The following KDR variants were observed in gnomAD, a reference collection of about 807,000 sequenced individuals.
KDR encodes the protein kinase insert domain receptor.
In KDR, 43 loss-of-function variants were observed where a neutral mutation model predicts 160.9. That is an observed-to-expected ratio of 0.27 (90% CI 0.21 to 0.34). The LOEUF (loss-of-function observed/expected upper bound fraction) is 0.34. Ranked by LOEUF, KDR falls within the 10% of genes least tolerant of loss-of-function variation. The probability of loss-of-function intolerance (pLI) is 1.00; values close to 1 mark genes in which losing one functional copy is unlikely to be tolerated. For missense variants in KDR, 1,469 were observed against 1,666.4 expected (o/e 0.88, Z 2.06); for synonymous variants, 617 against 600.1 (o/e 1.03, Z -0.41).
intron 3 of KDR, among the ~76,000 whole-genome samples, chr4:55,116,000 G>A (rs1720727417): frequency 6.6e-6 from 1 of 152,150 alleles, no homozygotes; most frequent in Non-Finnish European, 1.5e-5. Flanking sequence ...CTGAAGACTA[G>A]GGATATGATT....
intron 21 of KDR, among the ~76,000 whole-genome samples, chr4:55,094,202 C>T (rs1012923252): frequency 2.6e-5 from 4 of 152,044 alleles, no homozygotes; most frequent in Admixed American, 2.6e-4. Context: ...GCATGAGACT[C>T]CACCTCAAAA....
chr4:55,082,682 G>T, intron 27 of KDR, 47 bp from the exon 28 acceptor site: 2 of 1,401,530 alleles, frequency 1.4e-6, no homozygotes, highest in Non-Finnish European at 1.0e-6. Context: ...ATATTTGACT[G>T]CAGATCGGCT....
rs1327338877 is a variant in KDR at position 55,078,966 on chromosome 4, TCCTTCCTGAAACTTTGACACCACACACA to T, written c.*947_*974del. 2 of 233,148 alleles carry T rather than the reference TCCTTCCTGAAACTTTGACACCACACACA, an allele frequency of 8.6e-6. No homozygotes were observed. Among genetic ancestry groups the T allele is most frequent in the Admixed American group, 5.6e-5 (1 of 17,788 alleles). The allele number at this position is 233,148 out of a possible 1,614,324, so 14.4% of individuals were successfully genotyped here. ...CAGGGGGAAGAACAAAAGGGTAAAA[TCCTTCCTGAAACTTTGACACCACACACA>T]GCTTCACATTGAACCTCCCGCATTC... On this transcript the variant is annotated 3_prime_UTR_variant, in exon 30 of 30. Coordinates refer to ENST00000263923, the MANE Select transcript of KDR (RefSeq NM_002253.4).
chr4:55,095,485 T>C, intron 20 of KDR, 92 bp downstream of exon 20: 2 of 889,062 alleles, frequency 2.2e-6, no homozygotes, highest in Non-Finnish European at 3.8e-6. Context: ...CACAAGTTCT[T>C]CACAAAATTT....
chr4:55,105,851 C>T lies in KDR; in HGVS notation c.1626G>A (p.Val542=), dbSNP rs755482153. The T allele has an allele frequency of 6.2e-7, 1 of 1,605,130 alleles. No individual in the cohort carries two copies. Among genetic ancestry groups the T allele is most frequent in the East Asian group, 2.2e-5 (1 of 44,844 alleles). ...ACTTACTGGTCACGTGGAAGGAGAT[C>T]ACCCTCTCTCCTCTCCCGACTTTGT... ...AVNKVGRGER[V]ISFHVTRGPE... The change falls in exon 12 of 30, where the codon GTG becomes GTA. Residue 542 remains valine (V), a synonymous_variant. Transcript: ENST00000263923.
intron 7 of KDR, 79 bp from the exon 8 acceptor site, chr4:55,110,847 G>A (rs775039844): frequency 1.5e-4 from 180 of 1,189,510 alleles, no homozygotes; most frequent in African/African-American, 7.5e-4. Flanking sequence ...CAAGTGAAAC[G>A]TCAAAGACCT....
Position 55,110,642 on chromosome 4 carries a change from T to G in KDR, c.1091+12A>C. 1.2e-6 allele frequency: 2 copies of G among 1,613,120 alleles called. No homozygotes were observed. Among genetic ancestry groups the G allele is most frequent in the Non-Finnish European group, 1.7e-6 (2 of 1,179,108 alleles). On this transcript the variant is annotated intron_variant, in intron 8 of 29. Transcript: ENST00000263923. ...CACGAAATGATGCTTTGCATTTATTTCCAGTAGTTACCATTTTATTTCTGG... is the reference window on the plus strand; with the variant it reads ...CACGAAATGATGCTTTGCATTTATTGCCAGTAGTTACCATTTTATTTCTGG...
chr4:55,106,670 T>C lies in KDR; in HGVS notation c.1536+17A>G. On this transcript the variant is annotated intron_variant, in intron 11 of 29. Coordinates refer to ENST00000263923, the MANE Select transcript of KDR (RefSeq NM_002253.4). ...TAAAGAGAGAGAGATTTTCAAATTTTAAAACTTCAAACTCACTTTGTTTTT... is the reference window on the plus strand; with the variant it reads ...TAAAGAGAGAGAGATTTTCAAATTTCAAAACTTCAAACTCACTTTGTTTTT... 1 of 1,517,326 alleles carries C rather than the reference T, an allele frequency of 6.6e-7. No individual in the cohort carries two copies. 94.0% of individuals were successfully genotyped at this position (1,517,326 alleles called of 1,614,324 possible).
At position 55,087,619 on chromosome 4, in the gene KDR, G is replaced by C; in HGVS notation, c.3650C>G (p.Thr1217Arg). The C allele has an allele frequency of 6.2e-7, 1 of 1,614,166 alleles. No individual in the cohort carries two copies. Among genetic ancestry groups the C allele is most frequent in the East Asian group, 2.2e-5 (1 of 44,886 alleles). ...VCDPKFHYDN[T>R]AGISQYLQNS... ...CCATATACAGTACCTGATTCCTGCTGTGTTGTCATAATGGAATTTGGGGTC... is the reference window on the plus strand; with the variant it reads ...CCATATACAGTACCTGATTCCTGCTCTGTTGTCATAATGGAATTTGGGGTC... Residue 1217 changes from threonine (T) to arginine (R), a missense_variant, in exon 27 of 30, where the codon ACA becomes AGA. This residue lies in a region of KDR where 229 missense variants were observed against 197.8 expected (regional missense o/e 1.16). Transcript: ENST00000263923.
In KDR at chr4:55,104,834, G is replaced by C. The variant is rs1339571252; in HGVS notation, c.1796C>G (p.Pro599Arg). The change falls in exon 13 of 30, where the codon CCC becomes CGC. Residue 599 changes from proline (P) to arginine (R), a missense_variant. By Grantham distance (103) the Pro-to-Arg change is moderately radical (BLOSUM62 -2). This residue lies in a region of KDR where 792 missense variants were observed against 840.9 expected (regional missense o/e 0.94). Coordinates refer to ENST00000263923, the MANE Select transcript of KDR (RefSeq NM_002253.4). ...QPLPIHVGEL[P>R]TPVCKNLDTL... ...ATCCAAGTTCTTGCAAACAGGTGTGGGCAACTCTCCCACATGGATTGGCAG... is the reference window on the plus strand; with the variant it reads ...ATCCAAGTTCTTGCAAACAGGTGTGCGCAACTCTCCCACATGGATTGGCAG... The C allele has an allele frequency of 1.2e-6, 2 of 1,613,808 alleles. No homozygotes were observed. Among genetic ancestry groups the C allele is most frequent in the Non-Finnish European group, 8.5e-7 (1 of 1,179,904 alleles).
Position 55,087,780 on chromosome 4 carries a change from A to G in KDR, c.3511-22T>C, listed in dbSNP as rs902453458. ...CATCCTGAAACAATAAACACAGAAG[A>G]CTGTTGTTATGGCTTCAGTTCTTCA... On this transcript the variant is annotated intron_variant, in intron 26 of 29. Coordinates refer to ENST00000263923, the MANE Select transcript of KDR (RefSeq NM_002253.4). 12 of 1,613,336 alleles carry G rather than the reference A, an allele frequency of 7.4e-6. No homozygotes were observed. The East Asian group carries it at 1.8e-4, about 24-fold the overall frequency.
At chr4:55,082,873 C>T (rs571774697) in intron 27 of KDR, among the ~76,000 whole-genome samples, 3 of 152,130 alleles carry the variant, frequency 2.0e-5, no homozygotes, top group Non-Finnish European at 4.4e-5. Flanking sequence ...TCTTTTGAAT[C>T]CTACTTCTGA....
At chr4:55,094,143 A>G (rs1311443630) in intron 21 of KDR, among the ~76,000 whole-genome samples, 1 of 152,198 alleles carries the variant, frequency 6.6e-6, no homozygotes, top group East Asian at 1.9e-4. Flanking sequence ...CAAAAGGCGA[A>G]GGTTTCAGTG....
intron 27 of KDR, among the ~76,000 whole-genome samples, 165 bp downstream of exon 27, chr4:55,087,442 G>A (rs1719891059): frequency 6.6e-6 from 1 of 152,208 alleles, no homozygotes; most frequent in Non-Finnish European, 1.5e-5. Flanking sequence ...CACCTACCCA[G>A]GCCCTCTTCC....
Position 55,114,877 on chromosome 4 carries a change from C to G in KDR, c.655G>C (p.Val219Leu), listed in dbSNP as rs764184837. ...TGGAAAGGAAATGTCCTCTTACCTA[C>G]AACGACAACTATGTACATAATAGAC... ...YQSIMYIVVV[V>L]GYRIYDVVLS... Residue 219 changes from valine (V) to leucine (L), a missense_variant, in exon 5 of 30, where the codon GTA (valine) becomes CTA (leucine). Physicochemically the swap from Val to Leu is conservative, Grantham distance 32. Transcript: ENST00000263923. 1.2e-6 allele frequency: 2 copies of G among 1,612,680 alleles called. No homozygotes were observed. The highest frequency in any genetic ancestry group is 8.5e-7 in the Non-Finnish European group (1 of 1,178,820).
chr4:55,080,188 G>A, intron 29 of KDR, 25 bp from the exon 30 acceptor site: 2 of 1,601,140 alleles, frequency 1.2e-6, no homozygotes, highest in Non-Finnish European at 1.7e-6. Flanking sequence ...GCAAACAAAG[G>A]AGTTGGCAGA....
chr4:55,087,501 T>C (rs2110009081), intron 27 of KDR, 106 bp downstream of exon 27: 1 of 968,836 alleles, frequency 1.0e-6, no homozygotes, highest in South Asian at 1.5e-5. Context: ...TATGTGGAAG[T>C]GGGATGCAAC....
chr4:55,114,267 T>C lies in KDR; in HGVS notation c.659-2A>G. The C allele has an allele frequency of 6.2e-7, 1 of 1,613,496 alleles. No homozygotes were observed. Among genetic ancestry groups the C allele is most frequent in the Non-Finnish European group, 8.5e-7 (1 of 1,179,652 alleles). ...GAACCACATCATAAATCCTATACCC[T>C]AGAGCAAGTAAATTGAAAAAACAGA... On this transcript the variant is annotated splice_acceptor_variant, in intron 5 of 29. Transcript: ENST00000263923. LOFTEE classifies it high-confidence loss of function.
At chr4:55,121,317 G>A in intron 1 of KDR, 127 bp from the exon 2 acceptor site, 1 of 700,718 alleles carries the variant, frequency 1.4e-6, no homozygotes, top group Non-Finnish European at 2.5e-6. Context: ...ATAAAACTGG[G>A]AATTTACTTT....
Sources: allele counts gnomAD v4.1 joint callset (sites outside exome capture counted in the v4.1 genomes callset), GRCh38; gene constraint gnomAD v4.1.1; regional missense constraint gnomAD v4.1.1; transcripts MANE v1.5; gene names NCBI Gene and HGNC (gene_info 2026-07-23, HGNC 2026-07-21).